EPS8: variants seen among roughly 807,000 people sequenced by gnomAD.
The protein encoded by EPS8 is EGFR pathway substrate 8, signaling adaptor.
EPS8 carries 42 observed loss-of-function variants against 103.8 expected under a neutral mutation model. The ratio of observed to expected loss-of-function variants is 0.40; its 90% confidence interval spans 0.32 to 0.52. The LOEUF is 0.52. Among genes scored for constraint, EPS8 ranks in the 20% least tolerant of loss-of-function variants. EPS8 has a pLI of 0.40. For missense variants in EPS8, 969 were observed against 1,005.1 expected (o/e 0.96, Z 0.49); for synonymous variants, 344 against 344.6 (o/e 1.00, Z 0.02).
chr12:15,774,659 T>C (rs140090230), intron 1 of EPS8, among the ~76,000 whole-genome samples: 216 of 147,412 alleles, frequency 1.5e-3, no homozygotes, highest in African/African-American at 5.1e-3. Context: ...AAAATATATA[T>C]ACACACATAT....
chr12:15,788,944 C>A (rs955547937), intron 1 of EPS8, among the ~76,000 whole-genome samples: 2 of 152,104 alleles, frequency 1.3e-5, no homozygotes, highest in Admixed American at 1.3e-4. Context: ...TCTGCACGGG[C>A]CCCACAGCTT....
rs537184195 is a variant in EPS8 at position 15,769,414 on chromosome 12, A to C, written c.-22+19747T>G. 5.9e-5 allele frequency among the ~76,000 whole-genome samples: 9 copies of C among 152,354 alleles called. No homozygotes were observed. The highest frequency in any genetic ancestry group is 2.2e-4 in the African/African-American group (9 of 41,588). ...AAAATAAATGAAAAATGCATTTTCA[A>C]GGATATATTAAAGAAAATCACTCAG... is the stretch of plus-strand genomic sequence containing the variant. On this transcript the variant is annotated intron_variant, in intron 1 of 20. Coordinates refer to ENST00000281172, the MANE Select transcript of EPS8 (RefSeq NM_004447.6). The surrounding 1 kb of genome is among the most constrained non-coding windows in gnomAD (Gnocchi z 4.6).
chr12:15,664,838 T>C (rs12368480), intron 8 of EPS8, among the ~76,000 whole-genome samples: 152,260 of 152,346 alleles, frequency 1, 76,087 homozygotes, highest in Non-Finnish European at 1. Flanking sequence ...AAAATGAAGA[T>C]ACTAGACCAA....
In EPS8 at chr12:15,700,426, A is replaced by G. The variant is rs1565507171; in HGVS notation, c.-21-17454T>C. 6.6e-6 allele frequency among the ~76,000 whole-genome samples: 1 copy of G among 152,254 alleles called. No individual in the cohort carries two copies. The highest frequency in any genetic ancestry group is 1.5e-5 in the Non-Finnish European group (1 of 68,046). The stretch of plus-strand genomic sequence containing the variant: ...CATAGAATTCTAATGATTAAAGTGT[A>G]TATTATCACCAATATAAATTCCTCT... On this transcript the variant is annotated intron_variant, in intron 1 of 20. Coordinates refer to ENST00000281172, the MANE Select transcript of EPS8 (RefSeq NM_004447.6). The surrounding 1 kb of genome is among the most constrained non-coding windows in gnomAD (Gnocchi z 5.1).
rs1165029367 is a variant in EPS8, at chr12:15,693,437, T to G, written c.-21-10465A>C. ...AGGCATCTGGGATCCAAGTTCACTT[T>G]AAACACATGACTAATAAATCCTACT... On this transcript the variant is annotated intron_variant, in intron 1 of 20. Coordinates refer to ENST00000281172, the MANE Select transcript of EPS8 (RefSeq NM_004447.6). The surrounding 1 kb of genome is among the most constrained non-coding windows in gnomAD (Gnocchi z 5.6). 6.6e-6 allele frequency among the ~76,000 whole-genome samples: 1 copy of G among 152,228 alleles called. No individual in the cohort carries two copies. Among genetic ancestry groups the G allele is most frequent in the African/African-American group, 2.4e-5 (1 of 41,464 alleles).
At chr12:15,631,778 C>T in intron 17 of EPS8, 114 bp from the exon 18 acceptor site, 1 of 731,086 alleles carries the variant, frequency 1.4e-6, no homozygotes, top group Non-Finnish European at 2.2e-6. Context: ...CTTGCAAACC[C>T]ATTACTCATT....
At chr12:15,737,133 G>T (rs1382229419) in intron 1 of EPS8, among the ~76,000 whole-genome samples, 1 of 142,040 alleles carries the variant, frequency 7.0e-6, no homozygotes, top group Non-Finnish European at 1.6e-5. Context: ...AATAGTGTAG[G>T]TCTCTTCTTT....
At chr12:15,678,942 A>AT (rs1338348210) in intron 3 of EPS8, among the ~76,000 whole-genome samples, 11 of 149,472 alleles carry the variant, frequency 7.4e-5, no homozygotes, top group African/African-American at 2.5e-4. Context: ...AAAAAGTAAG[A>AT]TTTTTCATTC....
At chr12:15,651,213 A>G (rs537036901) in intron 13 of EPS8, among the ~76,000 whole-genome samples, 2 of 152,356 alleles carry the variant, frequency 1.3e-5, no homozygotes. Flanking sequence ...TAATAAAATG[A>G]AAGAAAGATT....
In EPS8 at chr12:15,727,187, GC is replaced by G. The variant is rs1249882278; in HGVS notation, c.-21-44216del. Among the ~76,000 whole-genome samples the G allele has an allele frequency of 6.6e-6, 1 of 152,102 alleles. No homozygotes were observed. The highest frequency in any genetic ancestry group is 1.5e-5 in the Non-Finnish European group (1 of 68,018). ...TTTTACTGTTTAAATTTTTTACAAAGCCTGGGCACCTGGGGTTCTGATTACT... is the reference window on the plus strand; with the variant it reads ...TTTTACTGTTTAAATTTTTTACAAAGCTGGGCACCTGGGGTTCTGATTACT... On this transcript the variant is annotated intron_variant, in intron 1 of 20. Transcript: ENST00000281172. This position sits in a 1 kb window ranked among gnomAD's most constrained non-coding sequence, Gnocchi z 4.3.
Position 15,785,423 on chromosome 12 carries a change from G to A in EPS8, c.-22+3738C>T, listed in dbSNP as rs1005101588. ...ATGTATGGCAGATGGTGCAAACCAG[G>A]TTTCTTCTCACTGTTGGAGTAAGTT... On this transcript the variant is annotated intron_variant, in intron 1 of 20. Transcript: ENST00000281172. This position sits in a 1 kb window ranked among gnomAD's most constrained non-coding sequence, Gnocchi z 4.9. 2.0e-5 allele frequency among the ~76,000 whole-genome samples: 3 copies of A among 152,118 alleles called. No individual in the cohort carries two copies. The highest frequency in any genetic ancestry group is 7.2e-5 in the African/African-American group (3 of 41,452).
intron 1 of EPS8, among the ~76,000 whole-genome samples, chr12:15,686,044 A>C (rs2135899993): frequency 6.6e-6 from 1 of 152,258 alleles, no homozygotes; most frequent in South Asian, 2.1e-4. Context: ...TTGGCTCCTG[A>C]ACAAGAGGAG....
chr12:15,687,566 T>C (rs1326944109), intron 1 of EPS8, among the ~76,000 whole-genome samples: 3 of 152,198 alleles, frequency 2.0e-5, no homozygotes, highest in African/African-American at 7.2e-5. Flanking sequence ...AATCAGAATG[T>C]TGTTTGGTTA....
chr12:15,666,343 A>G (rs1945709506), intron 7 of EPS8, 97 bp downstream of exon 7: 1 of 867,016 alleles, frequency 1.2e-6, no homozygotes, highest in East Asian at 2.6e-5. Context: ...ACAATACAAT[A>G]ATATACTTCC....
chr12:15,773,452 C>A (rs375980236), intron 1 of EPS8, among the ~76,000 whole-genome samples: 1 of 151,620 alleles, frequency 6.6e-6, no homozygotes, highest in African/African-American at 2.4e-5. Flanking sequence ...TAAACATATG[C>A]ACAGGACCAA....
intron 1 of EPS8, among the ~76,000 whole-genome samples, chr12:15,722,194 T>G (rs1217838479): frequency 7.1e-6 from 1 of 141,204 alleles, no homozygotes; most frequent in Non-Finnish European, 1.5e-5. Context: ...GCTGATGAGG[T>G]ACAAAAAAAA....
chr12:15,764,861 AC>A lies in EPS8; in HGVS notation c.-22+24299del. On this transcript the variant is annotated intron_variant, in intron 1 of 20. Coordinates refer to ENST00000281172, the MANE Select transcript of EPS8 (RefSeq NM_004447.6). The surrounding 1 kb of genome is among the most constrained non-coding windows in gnomAD (Gnocchi z 4.1). ...CTAATACAAGTAATTCAATAAAAAAACAAGTAGTATCTACAACCATTAAAAC... is the reference window on the plus strand; with the variant it reads ...CTAATACAAGTAATTCAATAAAAAAAAAGTAGTATCTACAACCATTAAAAC... 6.6e-6 allele frequency among the ~76,000 whole-genome samples: 1 copy of A among 152,364 alleles called. No individual in the cohort carries two copies. The highest frequency in any genetic ancestry group is 1.9e-4 in the East Asian group (1 of 5,186).
chr12:15,742,561 CCACAATCAA>C (rs1365465047), intron 1 of EPS8, among the ~76,000 whole-genome samples: 1 of 152,176 alleles, frequency 6.6e-6, no homozygotes, highest in Non-Finnish European at 1.5e-5. Context: ...AGCTTATCCA[CCACAATCAA>C]GTTGGCTTCA....
intron 12 of EPS8, among the ~76,000 whole-genome samples, chr12:15,657,056 C>T (rs976349258): frequency 3.9e-5 from 6 of 152,146 alleles, no homozygotes; most frequent in Admixed American, 3.9e-4. Flanking sequence ...CTGCTGAAAA[C>T]TCTTCAGTTG....
Sources: allele counts gnomAD v4.1 joint callset (sites outside exome capture counted in the v4.1 genomes callset), GRCh38; gene constraint gnomAD v4.1.1; non-coding constraint Gnocchi (gnomAD v3.1); transcripts MANE v1.5; gene names NCBI Gene and HGNC (gene_info 2026-07-23, HGNC 2026-07-21).